The following RERE variants were observed in gnomAD, a reference collection of about 807,000 sequenced individuals.
The protein encoded by RERE is arginine-glutamic acid dipeptide repeats, also known as arginine-glutamic acid dipeptide repeats protein.
A neutral mutation model predicts 146.1 loss-of-function variants in RERE; 40 were observed. The ratio of observed to expected loss-of-function variants is 0.27; its 90% CI spans 0.21 to 0.36. The LOEUF is 0.36. Ranked by LOEUF, RERE falls within the 10% of genes least tolerant of loss-of-function variation. RERE has a pLI of 1.00. For synonymous variants in RERE, 1,003 were observed against 866.0 expected, an observed-to-expected ratio of 1.16 and a Z score of -2.78; for missense variants, 1,933 against 2,138.7, an observed-to-expected ratio of 0.90 and a Z score of 1.90.
At chr1:8,580,398 T>A (rs569820854) in intron 4 of RERE, among the ~76,000 whole-genome samples, 4 of 152,254 alleles carry the variant, frequency 2.6e-5, no homozygotes, top group Non-Finnish European at 4.4e-5. Flanking sequence ...ATGTGAAAGC[T>A]TTTATTTCAG....
chr1:8,727,613 C>A (rs1276535353), intron 1 of RERE, among the ~76,000 whole-genome samples: 1 of 152,180 alleles, frequency 6.6e-6, no homozygotes, highest in Non-Finnish European at 1.5e-5. Flanking sequence ...CCTGCCTCCG[C>A]CTCCCAAGTA....
intron 1 of RERE, among the ~76,000 whole-genome samples, chr1:8,669,185 C>T (rs191102883): frequency 6.6e-6 from 1 of 151,422 alleles, no homozygotes; most frequent in Non-Finnish European, 1.5e-5. Context: ...CAATACCCCC[C>T]CCAACTCGGC....
intron 1 of RERE, chr1:8,751,033 A>C: frequency 1.6e-6 from 1 of 615,154 alleles, no homozygotes; most frequent in South Asian, 1.9e-5. Flanking sequence ...GCTTCAAGGA[A>C]GCAAATAACT....
At chr1:8,777,258 C>T (rs1641081402) in intron 1 of RERE, among the ~76,000 whole-genome samples, 1 of 151,708 alleles carries the variant, frequency 6.6e-6, no homozygotes, top group South Asian at 2.1e-4. Flanking sequence ...CTAAGAAGTC[C>T]AGATTTTCTC....
At chr1:8,513,062 C>G (rs139221213) in intron 7 of RERE, 1 of 152,210 alleles carries the variant, frequency 6.6e-6, no homozygotes, top group African/African-American at 2.4e-5. Flanking sequence ...TTAGGAGCCC[C>G]TCTCAAAGTT....
At chr1:8,422,903 A>G in intron 11 of RERE, 96 bp from the exon 12 acceptor site, 1 of 919,012 alleles carries the variant, frequency 1.1e-6, no homozygotes, top group Admixed American at 1.9e-5. Flanking sequence ...TAACAACCAC[A>G]AAAAAAGTCT....
At chr1:8,811,603 C>T (rs989016607) in intron 1 of RERE, among the ~76,000 whole-genome samples, 1 of 152,186 alleles carries the variant, frequency 6.6e-6, no homozygotes, top group Non-Finnish European at 1.5e-5. Flanking sequence ...GCGAGACCCT[C>T]TCTCAAAAAA....
chr1:8,802,455 G>C (rs922196513), intron 1 of RERE, among the ~76,000 whole-genome samples: 1 of 152,204 alleles, frequency 6.6e-6, no homozygotes, highest in African/African-American at 2.4e-5. Flanking sequence ...CATTTCCCAA[G>C]TTTTCCAGGC....
intron 1 of RERE, among the ~76,000 whole-genome samples, chr1:8,769,495 T>C (rs1039308288): frequency 2.0e-5 from 3 of 152,152 alleles, no homozygotes; most frequent in Non-Finnish European, 4.4e-5. Context: ...TTTGGTTTGT[T>C]TGGAGACAGG....
In RERE at chr1:8,724,875, T is replaced by TAAA. The variant is rs1176635924; in HGVS notation, c.-144-68437_-144-68435dup. ...TTACCTTTTATTTCTAGATACTTTG[T>TAAA]AAAAAAAAAAAAAAACAACTCAACC... On this transcript the variant is annotated intron_variant, in intron 1 of 22. Transcript: ENST00000400908. 9.3e-4 allele frequency among the ~76,000 whole-genome samples: 112 copies of TAAA among 120,750 alleles called. 1 individual carries two copies. Among genetic ancestry groups the TAAA allele is most frequent in the African/African-American group, 3.2e-3 (106 of 33,206 alleles). The allele number at this position is 120,750 out of a possible 152,430, so 79.2% of individuals were successfully genotyped here.
Position 8,694,651 on chromosome 1 carries a change from C to T in RERE, c.-144-38210G>A, listed in dbSNP as rs368253486. Among the ~76,000 whole-genome samples, 69 of 151,366 alleles carry T rather than the reference C, an allele frequency of 4.6e-4. No homozygotes were observed. The South Asian group carries it at 0.014, about 30-fold the overall frequency. On this transcript the variant is annotated intron_variant, in intron 1 of 22. Transcript: ENST00000400908. ...GCACATGCCTGTAGTTCCAGCTACT[C>T]GGGAGACTGAGGCAGGAGAATCATT...
intron 1 of RERE, among the ~76,000 whole-genome samples, chr1:8,764,179 T>C (rs112880722): frequency 1.3e-5 from 2 of 152,184 alleles, no homozygotes; most frequent in South Asian, 2.1e-4. Flanking sequence ...CCAGGGCAAG[T>C]TGCAGCTGCT....
intron 6 of RERE, among the ~76,000 whole-genome samples, chr1:8,542,348 T>C (rs772593539): frequency 2.0e-5 from 3 of 152,114 alleles, no homozygotes; most frequent in Non-Finnish European, 4.4e-5. Context: ...GAGCAGGCTA[T>C]CTGTTGTGAT....
At chr1:8,475,769 G>A (rs141145612) in intron 10 of RERE, among the ~76,000 whole-genome samples, 6 of 151,496 alleles carry the variant, frequency 4.0e-5, no homozygotes, top group East Asian at 3.9e-4. Context: ...CTCCATCATC[G>A]ATAACCTAGT....
chr1:8,677,871 T>C (rs1281334646), intron 1 of RERE, among the ~76,000 whole-genome samples: 4 of 152,250 alleles, frequency 2.6e-5, no homozygotes, highest in African/African-American at 7.2e-5. Context: ...AACCATGTTA[T>C]TCACATCTTT....
At chr1:8,708,103 G>A (rs1013821648) in intron 1 of RERE, among the ~76,000 whole-genome samples, 3 of 152,164 alleles carry the variant, frequency 2.0e-5, no homozygotes, top group Admixed American at 6.5e-5. Flanking sequence ...CCAAGGGTAA[G>A]AGGAAACTAC....
At chr1:8,672,335 G>A (rs1400682901) in intron 1 of RERE, among the ~76,000 whole-genome samples, 2 of 151,960 alleles carry the variant, frequency 1.3e-5, no homozygotes, top group African/African-American at 2.4e-5. Flanking sequence ...CACCACACCT[G>A]GCTAAGTTTC....
At chr1:8,451,226 T>C (rs1175474306) in intron 11 of RERE, among the ~76,000 whole-genome samples, 1 of 152,060 alleles carries the variant, frequency 6.6e-6, no homozygotes, top group African/African-American at 2.4e-5. Context: ...AGGTCAGGAG[T>C]TGGAGACTAG....
intron 1 of RERE, among the ~76,000 whole-genome samples, chr1:8,734,135 CATATA>C (rs879415974): frequency 1.4e-4 from 21 of 152,240 alleles, no homozygotes; most frequent in African/African-American, 3.9e-4. Context: ...AAATAAAATG[CATATA>C]ATATAACTGT....
Sources: allele counts gnomAD v4.1 joint callset (sites outside exome capture counted in the v4.1 genomes callset), GRCh38; gene constraint gnomAD v4.1.1; transcripts MANE v1.5; gene names NCBI Gene and HGNC (gene_info 2026-07-23, HGNC 2026-07-21).